PCDHGB2: variants seen among roughly 807,000 people sequenced by gnomAD.
PCDHGB2 encodes protocadherin gamma subfamily B, 2.
In PCDHGB2, 55 loss-of-function variants were observed where a neutral mutation model predicts 59.3. The ratio of observed to expected loss-of-function variants is 0.93; its 90% CI spans 0.75 to 1.16. PCDHGB2 has a LOEUF of 1.16. Ranked by LOEUF, PCDHGB2 falls within the 50% of genes most tolerant of loss-of-function variation. The pLI is 0.00. For synonymous variants in PCDHGB2, 516 were observed against 512.0 expected (o/e 1.01, Z -0.11); for missense variants, 1,228 against 1,198.5 (o/e 1.02, Z -0.36).
At chr5:141,430,612 G>A (rs1406353008) in intron 1 of PCDHGB2, 2 of 680,678 alleles carry the variant, frequency 2.9e-6, no homozygotes, top group African/African-American at 3.7e-5. Flanking sequence ...GCACAAAGCA[G>A]ATAGCTAGGA....
At chr5:141,420,551 ATTTTTACGGCATGGT>A (rs2096505176) in intron 1 of PCDHGB2, 3 of 266,550 alleles carry the variant, frequency 1.1e-5, no homozygotes, top group Admixed American at 5.1e-5. Context: ...ATACAGGTAT[ATTTTTACGGCATGGT>A]ATTTTAATTG....
At position 141,404,344 on chromosome 5, in the gene PCDHGB2, C is replaced by T. The variant is rs755599341; in HGVS notation, c.2421+41788C>T. 1.1e-5 allele frequency: 18 copies of T among 1,613,954 alleles called. No homozygotes were observed. In the East Asian group the frequency reaches 3.8e-4, roughly 34 times the overall value. ...CCTACTCAGTCTACCTCCCGGAAAA[C>T]AACGCCAGAGGTACTTCCATCTTCT... On this transcript the variant is annotated intron_variant, in intron 1 of 3. Coordinates refer to ENST00000522605, the MANE Select transcript of PCDHGB2 (RefSeq NM_018923.3).
Position 141,491,498 on chromosome 5 carries a change from C to T in PCDHGB2, c.2422-3309C>T, listed in dbSNP as rs975297143. 2 of 1,614,102 alleles carry T rather than the reference C, an allele frequency of 1.2e-6. No homozygotes were observed. Among genetic ancestry groups the T allele is most frequent in the Non-Finnish European group, 1.7e-6 (2 of 1,180,018 alleles). ...TCCAGCCCCAACCTGCAGGTGAGCT[C>T]GGACGGCACGCTCAAGTACATGGAG... On this transcript the variant is annotated intron_variant, in intron 1 of 3. Transcript: ENST00000522605. The surrounding 1 kb of genome is among the most constrained non-coding windows in gnomAD (Gnocchi z 6.9).
At position 141,428,093 on chromosome 5, in the gene PCDHGB2, C is replaced by T. The variant is rs577985465; in HGVS notation, c.2421+65537C>T. On this transcript the variant is annotated intron_variant, in intron 1 of 3. Transcript: ENST00000522605. ...ATTCGGGACACAACGCTTGGCTGTC[C>T]TACCACGTGCTGCAGGCCATCGAGC... 2.4e-4 allele frequency: 380 copies of T among 1,608,880 alleles called. 2 individuals are homozygous for T. The South Asian group carries it at 4.0e-3, about 17-fold the overall frequency.
intron 1 of PCDHGB2, chr5:141,364,657 G>C: frequency 6.2e-7 from 1 of 1,614,034 alleles, no homozygotes; most frequent in South Asian, 1.1e-5. Context: ...TTAACATCTT[G>C]GTTGAGAACA....
intron 1 of PCDHGB2, chr5:141,403,058 C>T (rs1264463559): frequency 1.9e-6 from 3 of 1,613,942 alleles, no homozygotes; most frequent in African/African-American, 2.7e-5. Context: ...CTACTCAGTG[C>T]CTGAAGAGAC....
chr5:141,360,535 A>G lies in PCDHGB2; in HGVS notation c.400A>G (p.Lys134Glu), dbSNP rs376637010. ...TATAAATGATAATACCCCGCTATTC[A>G]AACAGACTAAGATTAATTTAAAAAT... The part of the protein sequence containing the change: ...QDINDNTPLF[K>E]QTKINLKIGE... The change falls in exon 1 of 4, where the codon AAA becomes GAA. Residue 134 changes from lysine to glutamate, a missense_variant. This residue lies in a region of PCDHGB2 where 781 missense variants were observed against 721.6 expected (regional missense o/e 1.08). Coordinates refer to ENST00000522605, the MANE Select transcript of PCDHGB2 (RefSeq NM_018923.3). 1.9e-6 allele frequency: 3 copies of G among 1,613,976 alleles called. No homozygotes were observed. The South Asian group carries it at 3.3e-5, about 18-fold the overall frequency.
rs747513122 is a variant in PCDHGB2, at chr5:141,361,367, A to G, written c.1232A>G (p.Asp411Gly). ...YYKLVTDGALDREEIPEYNLT... is the reference protein window; with the variant it reads ...YYKLVTDGALGREEIPEYNLT... The stretch of plus-strand genomic sequence containing the variant: ...AAACTAGTGACAGACGGCGCTCTGG[A>G]CCGGGAGGAGATCCCAGAATACAAT... The change falls in exon 1 of 4, where the codon GAC becomes GGC. Residue 411 changes from aspartate (D) to glycine (G), a missense_variant. Physicochemically the swap from Asp to Gly is moderately conservative, Grantham distance 94. Around this residue, in one of 3 missense-constraint regions of PCDHGB2, gnomAD observed 781 missense variants for 721.6 expected, o/e 1.08. Transcript: ENST00000522605. 8 of 1,613,876 alleles carry G rather than the reference A, an allele frequency of 5.0e-6. No individual in the cohort carries two copies. In the Admixed American group the frequency reaches 1.3e-4, roughly 27 times the overall value.
At chr5:141,403,655 A>T (rs1262068795) in intron 1 of PCDHGB2, 6 of 1,613,798 alleles carry the variant, frequency 3.7e-6, no homozygotes, top group Non-Finnish European at 4.2e-6. Context: ...AGTGTTGGAT[A>T]CAAATGATAA....
At chr5:141,414,137 T>C in intron 1 of PCDHGB2, 1 of 1,595,618 alleles carries the variant, frequency 6.3e-7, no homozygotes, top group South Asian at 1.1e-5. Context: ...TTCTATGAAA[T>C]AGAAATACAA....
chr5:141,361,030 G>A lies in PCDHGB2; in HGVS notation c.895G>A (p.Gly299Arg). The A allele has an allele frequency of 6.2e-7, 1 of 1,613,328 alleles. No homozygotes were observed. The highest frequency in any genetic ancestry group is 8.5e-7 in the Non-Finnish European group (1 of 1,179,550). The change falls in exon 1 of 4, where the codon GGA becomes AGA. Residue 299 changes from glycine (G) to arginine (R), a missense_variant. Gly to Arg is a moderately radical substitution (Grantham distance 125). This residue lies in a region of PCDHGB2 where 781 missense variants were observed against 721.6 expected (regional missense o/e 1.08). Coordinates refer to ENST00000522605, the MANE Select transcript of PCDHGB2 (RefSeq NM_018923.3). ...CTTTTTCAACTTAAATGAAAAAACA[G>A]GAGAAATCACGACAAAGGATGATTT... ...KHFFNLNEKTGEITTKDDLDF... is the reference protein window; with the variant it reads ...KHFFNLNEKTREITTKDDLDF...
Position 141,491,954 on chromosome 5 carries a change from C to A in PCDHGB2, c.2422-2853C>A. ...TGGGACCGACCCCCACCCCTACACT[C>A]AAAAAAGGCCGGGGCCTCCTTCGAG... On this transcript the variant is annotated intron_variant, in intron 1 of 3. Transcript: ENST00000522605. This position sits in a 1 kb window ranked among gnomAD's most constrained non-coding sequence, Gnocchi z 6.9. The A allele has an allele frequency of 9.7e-7, 1 of 1,032,914 alleles. No individual in the cohort carries two copies. Among genetic ancestry groups the A allele is most frequent in the Non-Finnish European group, 1.3e-6 (1 of 747,256 alleles). The allele number at this position is 1,032,914 out of a possible 1,614,324, so 64.0% of individuals were successfully genotyped here.
At chr5:141,392,818 C>A in intron 1 of PCDHGB2, 1 of 1,589,060 alleles carries the variant, frequency 6.3e-7, no homozygotes, top group Non-Finnish European at 8.6e-7. Flanking sequence ...ACAACAATGG[C>A]CGCTCCACAG....
intron 1 of PCDHGB2, chr5:141,375,270 A>T (rs1771295281): frequency 6.2e-7 from 1 of 1,613,754 alleles, no homozygotes. Flanking sequence ...GAATTGGAAA[A>T]ATCAGTTGGC....
intron 1 of PCDHGB2, chr5:141,396,533 T>A (rs942972836): frequency 2.0e-5 from 3 of 151,264 alleles, no homozygotes; most frequent in African/African-American, 7.3e-5. Flanking sequence ...GGCAGAAGAA[T>A]CACTTGAACC....
chr5:141,370,148 C>T, intron 1 of PCDHGB2: 1 of 445,956 alleles, frequency 2.2e-6, no homozygotes, highest in East Asian at 3.3e-5. Flanking sequence ...GTCACCATTA[C>T]TGCAGTTCTG....
At chr5:141,366,514 A>G (rs766799381) in intron 1 of PCDHGB2, 8 of 1,614,142 alleles carry the variant, frequency 5.0e-6, no homozygotes, top group Non-Finnish European at 6.8e-6. Context: ...TTCAGGCTGA[A>G]GGCAGCAGGT....
chr5:141,394,532 T>G (rs1259695027), intron 1 of PCDHGB2: 7 of 1,614,188 alleles, frequency 4.3e-6, no homozygotes, highest in East Asian at 4.5e-5. Flanking sequence ...ACGGTTCCAC[T>G]GGCGTGGAGC....
chr5:141,449,994 G>T (rs2098661673), intron 1 of PCDHGB2, among the ~76,000 whole-genome samples: 2 of 131,786 alleles, frequency 1.5e-5, no homozygotes, highest in Admixed American at 7.9e-5. Context: ...ATTGCATTTA[G>T]TTGCCATGTC....
Sources: allele counts gnomAD v4.1 joint callset (sites outside exome capture counted in the v4.1 genomes callset), GRCh38; gene constraint gnomAD v4.1.1; regional missense constraint gnomAD v4.1.1; non-coding constraint Gnocchi (gnomAD v3.1); transcripts MANE v1.5; gene names NCBI Gene and HGNC (gene_info 2026-07-23, HGNC 2026-07-21).